The following APBA2 variants were observed in gnomAD, a reference collection of about 807,000 sequenced individuals.
The protein encoded by APBA2 is amyloid-beta A4 precursor protein-binding family A member 2.
APBA2 carries 30 observed loss-of-function variants against 75.0 expected under a neutral mutation model. The ratio of observed to expected loss-of-function variants is 0.40; its 90% confidence interval spans 0.30 to 0.54. APBA2 has a LOEUF of 0.54. Among genes scored for constraint, APBA2 ranks in the 20% least tolerant of loss-of-function variants. The pLI, the probability that APBA2 is intolerant of heterozygous loss-of-function variation, is 0.49. For synonymous variants in APBA2, 444 were observed against 409.6 expected (o/e 1.08, Z -1.01); for missense variants, 801 against 1,016.1 (o/e 0.79, Z 2.88).
chr15:28,955,221 C>T (rs969164501), intron 2 of APBA2, among the ~76,000 whole-genome samples: 7 of 152,022 alleles, frequency 4.6e-5, no homozygotes, highest in African/African-American at 1.2e-4. Context: ...CAGTTTCTTA[C>T]TCTCATTAGA....
At chr15:28,992,675 T>C (rs2038298344) in intron 2 of APBA2, among the ~76,000 whole-genome samples, 1 of 152,158 alleles carries the variant, frequency 6.6e-6, no homozygotes, top group African/African-American at 2.4e-5. Context: ...CCTCTCCTTC[T>C]GGACTGGCTC....
chr15:28,916,134 A>G (rs2033680880), intron 1 of APBA2, among the ~76,000 whole-genome samples: 1 of 152,136 alleles, frequency 6.6e-6, no homozygotes, highest in South Asian at 2.1e-4. Context: ...TTGGGTCAGC[A>G]CCGCCTCCTG....
chr15:29,008,131 A>G (rs764843129), intron 3 of APBA2, among the ~76,000 whole-genome samples: 9 of 152,234 alleles, frequency 5.9e-5, no homozygotes, highest in Non-Finnish European at 1.3e-4. Flanking sequence ...AGGAAGCCAG[A>G]TAGAATAGCA....
chr15:28,946,423 C>T (rs1030541964), intron 2 of APBA2, among the ~76,000 whole-genome samples: 2 of 152,112 alleles, frequency 1.3e-5, no homozygotes, highest in Admixed American at 6.6e-5. Flanking sequence ...ATGGAGGAAG[C>T]GGCTGCAAGC....
chr15:28,979,415 T>C (rs1274439166), intron 2 of APBA2, among the ~76,000 whole-genome samples: 2 of 152,254 alleles, frequency 1.3e-5, no homozygotes. Context: ...CCTAACGTCA[T>C]TTGATTCATC....
intron 2 of APBA2, among the ~76,000 whole-genome samples, chr15:28,965,444 T>C (rs754600092): frequency 3.3e-5 from 5 of 152,334 alleles, no homozygotes; most frequent in Middle Eastern, 3.4e-3. Flanking sequence ...TTCAAAGTTA[T>C]TTGGCTATTC....
intron 4 of APBA2, among the ~76,000 whole-genome samples, chr15:29,058,842 A>G (rs1379337469): frequency 6.6e-6 from 1 of 151,964 alleles, no homozygotes; most frequent in Non-Finnish European, 1.5e-5. Flanking sequence ...AGGCAAAAAA[A>G]TCTTTTGCCA....
chr15:28,928,261 G>T (rs1213844137), intron 2 of APBA2, among the ~76,000 whole-genome samples: 17 of 152,092 alleles, frequency 1.1e-4, no homozygotes, highest in Non-Finnish European at 2.9e-5. Flanking sequence ...GGCCTTTAAC[G>T]TGAGGTTTTC....
At chr15:29,031,326 C>T (rs2040477541) in intron 3 of APBA2, among the ~76,000 whole-genome samples, 1 of 152,198 alleles carries the variant, frequency 6.6e-6, no homozygotes, top group South Asian at 2.1e-4. Context: ...TGTATTGCCT[C>T]ACAGTTCTGG....
At chr15:28,937,818 G>A (rs111486255) in intron 2 of APBA2, among the ~76,000 whole-genome samples, 11,808 of 151,890 alleles carry the variant, frequency 0.078, 879 homozygotes, top group East Asian at 0.33. Flanking sequence ...CACCACGCCC[G>A]GCTAATTGTT....
At chr15:28,963,730 C>G (rs1027946656) in intron 2 of APBA2, among the ~76,000 whole-genome samples, 4 of 152,192 alleles carry the variant, frequency 2.6e-5, no homozygotes, top group Non-Finnish European at 5.9e-5. Context: ...TTTAGATTCA[C>G]AGGAGGTTGC....
rs115309791 is a variant in APBA2, at chr15:28,983,616, C to G, written c.-94-12137C>G. 4.9e-3 allele frequency among the ~76,000 whole-genome samples: 741 copies of G among 152,352 alleles called. 7 individuals are homozygous for G. Among genetic ancestry groups the G allele is most frequent in the South Asian group, 0.033 (161 of 4,830 alleles). On this transcript the variant is annotated intron_variant, in intron 2 of 14. Coordinates refer to ENST00000683413, the MANE Select transcript of APBA2 (RefSeq NM_001353788.2). Reference sequence around the variant, plus strand: ...ACAAGGTGGCCTCCAGGAGCGCTGTCGGCTCATGGGCCCCACCCACCCACC... The same window carrying G: ...ACAAGGTGGCCTCCAGGAGCGCTGTGGGCTCATGGGCCCCACCCACCCACC...
intron 3 of APBA2, among the ~76,000 whole-genome samples, chr15:29,044,603 C>A (rs966575513): frequency 1.3e-5 from 2 of 151,782 alleles, no homozygotes; most frequent in Admixed American, 6.6e-5. Context: ...CTGGCCACAC[C>A]CCCCCTGGGC....
chr15:28,906,496 C>A (rs572067210), intron 1 of APBA2, among the ~76,000 whole-genome samples: 12 of 152,298 alleles, frequency 7.9e-5, no homozygotes, highest in African/African-American at 2.9e-4. Flanking sequence ...GTTTCCGTAG[C>A]ATAGGTTCCT....
At chr15:28,952,950 A>C (rs1455412643) in intron 2 of APBA2, among the ~76,000 whole-genome samples, 1 of 152,208 alleles carries the variant, frequency 6.6e-6, no homozygotes. Context: ...TCAGAGCCCT[A>C]GTCCATGCTC....
intron 2 of APBA2, among the ~76,000 whole-genome samples, chr15:28,946,091 A>T (rs1451737120): frequency 6.6e-6 from 1 of 152,166 alleles, no homozygotes; most frequent in Non-Finnish European, 1.5e-5. Flanking sequence ...CAAAATCTTA[A>T]TTTAGATCTT....
chr15:29,033,836 G>T (rs2040606204), intron 3 of APBA2, among the ~76,000 whole-genome samples: 1 of 151,742 alleles, frequency 6.6e-6, no homozygotes, highest in African/African-American at 2.4e-5. Flanking sequence ...GTGGTGGCGG[G>T]CGCCTGTAGT....
chr15:29,017,282 C>A (rs1755472228), intron 3 of APBA2, among the ~76,000 whole-genome samples: 1 of 151,582 alleles, frequency 6.6e-6, no homozygotes, highest in Admixed American at 6.6e-5. Context: ...TCCATTTTCT[C>A]TTTTCTCTCT....
At chr15:28,926,081 A>G (rs1291410142) in intron 2 of APBA2, among the ~76,000 whole-genome samples, 1 of 152,158 alleles carries the variant, frequency 6.6e-6, no homozygotes, top group African/African-American at 2.4e-5. Flanking sequence ...TTTAAAGTAG[A>G]TATCTTGTAG....
Sources: gnomAD v4.1 joint callset for allele counts (sites outside exome capture counted in the v4.1 genomes callset) on GRCh38, gnomAD v4.1.1 for gene constraint, MANE v1.5 for transcripts, NCBI Gene and HGNC (gene_info 2026-07-23, HGNC 2026-07-21) for gene names.